ECT2: variants seen among roughly 807,000 people sequenced by gnomAD.
ECT2 encodes the protein protein ECT2.
In ECT2, 61 loss-of-function variants were observed where a neutral mutation model predicts 116.9. That is an observed-to-expected ratio of 0.52 (90% CI 0.42 to 0.65). The LOEUF (loss-of-function observed/expected upper bound fraction) is 0.65, where lower values mean the gene tolerates loss of function less well. Ranked by LOEUF, ECT2 falls within the 30% of genes least tolerant of loss-of-function variation. The pLI, the probability that ECT2 is intolerant of heterozygous loss-of-function variation, is 0.00. For missense variants in ECT2, 937 were observed against 1,078.7 expected (o/e 0.87, Z 1.84); for synonymous variants, 358 against 346.4 (o/e 1.03, Z -0.37).
In ECT2 at chr3:172,820,137, T is replaced by C; in HGVS notation, c.2656-11T>C. On this transcript the variant is annotated splice_polypyrimidine_tract_variant and intron_variant, in intron 24 of 24. Coordinates refer to ENST00000392692, the MANE Select transcript of ECT2 (RefSeq NM_001258315.2). ...AATTTAAAATATGAAATGTTTGTTT[T>C]GTCTTAACAGGGTATCCCTTCTCCC... The C allele has an allele frequency of 6.3e-7, 1 of 1,587,942 alleles. No individual in the cohort carries two copies. The highest frequency in any genetic ancestry group is 1.1e-5 in the South Asian group (1 of 87,666).
At chr3:172,789,405 T>C (rs778071491) in intron 18 of ECT2, among the ~76,000 whole-genome samples, 9 of 152,070 alleles carry the variant, frequency 5.9e-5, no homozygotes, top group South Asian at 4.1e-4. Flanking sequence ...GGTTTTGCCA[T>C]GTAGCCCAGG....
chr3:172,777,059 G>T (rs569008708), intron 14 of ECT2, among the ~76,000 whole-genome samples: 4 of 151,928 alleles, frequency 2.6e-5, no homozygotes, highest in South Asian at 4.2e-4. Context: ...TTTAGTGGAG[G>T]TGGGGTTTCA....
chr3:172,781,227 G>T (rs569456615), intron 14 of ECT2, among the ~76,000 whole-genome samples: 1 of 152,118 alleles, frequency 6.6e-6, no homozygotes, highest in African/African-American at 2.4e-5. Context: ...TTAGTAAGGG[G>T]AGTGGTAGTA....
At chr3:172,823,382 C>T, downstream of ECT2, among the ~76,000 whole-genome samples, 1 of 152,090 alleles carries the variant, frequency 6.6e-6, no homozygotes, top group Non-Finnish European at 1.5e-5. Flanking sequence ...AGACTATCAA[C>T]CTTAAAAGAG....
intron 18 of ECT2, among the ~76,000 whole-genome samples, chr3:172,793,051 G>T (rs1724963041): frequency 6.6e-6 from 1 of 152,148 alleles, no homozygotes; most frequent in Non-Finnish European, 1.5e-5. Context: ...CTGCCAAACT[G>T]TTGGCAAGAC....
Position 172,761,729 on chromosome 3 carries a change from C to A in ECT2, c.758+46C>A, listed in dbSNP as rs749875267. 3.7e-6 allele frequency: 5 copies of A among 1,349,826 alleles called. No homozygotes were observed. In the South Asian group the frequency reaches 3.9e-5, roughly 10 times the overall value. 83.6% of individuals were successfully genotyped at this position (1,349,826 alleles called of 1,614,324 possible). A position where few individuals can be genotyped will look rare whatever the true frequency, so the allele number is the denominator to read the frequency against. On this transcript the variant is annotated intron_variant, in intron 8 of 24. Transcript: ENST00000392692. ...TAGTTCATTATGTAAATTAAACATT[C>A]TGGTTTAAAGATAAATCCATGTGCT... is the stretch of plus-strand genomic sequence containing the variant.
intron 21 of ECT2, 154 bp from the exon 22 acceptor site, chr3:172,807,616 A>G: frequency 2.6e-6 from 2 of 767,156 alleles, no homozygotes; most frequent in Non-Finnish European, 4.1e-6. Context: ...TAATATGGTG[A>G]TGTTCTTTGT....
the ECT2 span, chr3:172,828,699 A>C: frequency 2.3e-5 from 10 of 440,052 alleles, no homozygotes; most frequent in African/African-American, 1.0e-4. Flanking sequence ...GAGTCGCAGC[A>C]GCAGGGACGG....
chr3:172,773,842 T>C, intron 13 of ECT2, 61 bp from the exon 14 acceptor site: 1 of 1,520,626 alleles, frequency 6.6e-7, no homozygotes, highest in Non-Finnish European at 9.0e-7. Context: ...TATCACTGTC[T>C]ATCTTTTAGC....
At chr3:172,797,606 A>G (rs910928671) in intron 18 of ECT2, among the ~76,000 whole-genome samples, 3 of 152,090 alleles carry the variant, frequency 2.0e-5, no homozygotes, top group African/African-American at 7.2e-5. Flanking sequence ...TCCTTTGTCT[A>G]ATTGAATTCA....
At chr3:172,796,582 G>A (rs1203449240) in intron 18 of ECT2, 5 of 152,020 alleles carry the variant, frequency 3.3e-5, no homozygotes, top group East Asian at 1.9e-4. Flanking sequence ...TTTCTGTTTC[G>A]TCTTACATTT....
At chr3:172,809,593 A>ACG (rs1560021078) in intron 22 of ECT2, among the ~76,000 whole-genome samples, 6 of 147,550 alleles carry the variant, frequency 4.1e-5, no homozygotes, top group African/African-American at 1.6e-4. Flanking sequence ...ACACACACAC[A>ACG]CACACGCACA....
chr3:172,823,609 ATC>A (rs1730772576), downstream of ECT2, among the ~76,000 whole-genome samples: 1 of 152,206 alleles, frequency 6.6e-6, no homozygotes, highest in Admixed American at 6.5e-5. Context: ...TAAAGCAGCT[ATC>A]TCAATAAAGT....
At chr3:172,793,365 A>G (rs1725023359) in intron 18 of ECT2, among the ~76,000 whole-genome samples, 1 of 151,980 alleles carries the variant, frequency 6.6e-6, no homozygotes, top group South Asian at 2.1e-4. Context: ...GGGTTTCCCC[A>G]TGTTGGCCAA....
intron 16 of ECT2, 78 bp downstream of exon 16, chr3:172,783,987 T>A: frequency 9.5e-7 from 1 of 1,049,642 alleles, no homozygotes; most frequent in Non-Finnish European, 1.4e-6. Context: ...AAAAATGAAG[T>A]AAATTTTAAC....
chr3:172,795,623 C>A (rs1328894836), intron 18 of ECT2, among the ~76,000 whole-genome samples: 1 of 152,018 alleles, frequency 6.6e-6, no homozygotes, highest in Admixed American at 6.6e-5. Flanking sequence ...ATAAAAATAA[C>A]AAAATAATGA....
intron 1 of ECT2, among the ~76,000 whole-genome samples, chr3:172,754,300 T>G (rs1716515957): frequency 6.6e-6 from 1 of 152,190 alleles, no homozygotes. Context: ...TACATTGTTA[T>G]TTTTATTATA....
chr3:172,820,138 G>A lies in ECT2; in HGVS notation c.2656-10G>A, dbSNP rs373299459. ...ATTTAAAATATGAAATGTTTGTTTT[G>A]TCTTAACAGGGTATCCCTTCTCCCT... On this transcript the variant is annotated splice_polypyrimidine_tract_variant and intron_variant, in intron 24 of 24. Transcript: ENST00000392692. The A allele has an allele frequency of 5.7e-5, 91 of 1,594,776 alleles. No homozygotes were observed. Among genetic ancestry groups the A allele is most frequent in the Non-Finnish European group, 7.4e-5 (86 of 1,166,916 alleles).
intron 18 of ECT2, among the ~76,000 whole-genome samples, chr3:172,797,332 G>A (rs1486139659): frequency 1.3e-5 from 2 of 152,072 alleles, no homozygotes; most frequent in African/African-American, 2.4e-5. Flanking sequence ...ACCATGCCCT[G>A]CGGGAGGTTC....
Sources: gnomAD v4.1 joint callset for allele counts (sites outside exome capture counted in the v4.1 genomes callset) on GRCh38, gnomAD v4.1.1 for gene constraint, MANE v1.5 for transcripts, NCBI Gene and HGNC (gene_info 2026-07-23, HGNC 2026-07-21) for gene names.